The following THSD7B variants were observed in gnomAD, a reference collection of about 807,000 sequenced individuals.
THSD7B encodes thrombospondin type-1 domain-containing protein 7B.
In THSD7B, 138 loss-of-function variants were observed where a neutral mutation model predicts 213.6. The ratio of observed to expected loss-of-function variants is 0.65; its 90% CI spans 0.56 to 0.74. The LOEUF is 0.74. THSD7B is among the 30% of genes least tolerant of loss of function. The pLI is 0.00. For missense variants in THSD7B, 1,931 were observed against 1,991.5 expected (o/e 0.97, Z 0.58); for synonymous variants, 742 against 687.0 (o/e 1.08, Z -1.25).
intron 12 of THSD7B, among the ~76,000 whole-genome samples, chr2:137,362,587 CGTCTCTGACAAAAACA>C (rs1553443118): frequency 2.0e-5 from 3 of 151,826 alleles, no homozygotes; most frequent in Non-Finnish European, 4.4e-5. Flanking sequence ...TTGCAATCCT[CGTCTCTGACAAAAACA>C]GTCTTTAAAC....
chr2:137,271,085 G>T (rs558193189), intron 10 of THSD7B, among the ~76,000 whole-genome samples: 1 of 151,518 alleles, frequency 6.6e-6, no homozygotes, highest in Admixed American at 6.6e-5. Flanking sequence ...TTATTTCATT[G>T]TGCTGGCTTT....
At chr2:137,239,181 G>A (rs190805659) in intron 9 of THSD7B, among the ~76,000 whole-genome samples, 4 of 151,936 alleles carry the variant, frequency 2.6e-5, no homozygotes, top group Non-Finnish European at 4.4e-5. Flanking sequence ...ACTTGCAAAA[G>A]TTGTACAGAG....
intron 12 of THSD7B, among the ~76,000 whole-genome samples, chr2:137,360,409 G>A (rs1346595275): frequency 6.6e-6 from 1 of 152,136 alleles, no homozygotes; most frequent in Admixed American, 6.5e-5. Context: ...GCAGAGTGGG[G>A]CACTTCTTCC....
rs916937048 is a variant in THSD7B, at chr2:137,142,969, T to G, written c.1370-17244T>G. Among the ~76,000 whole-genome samples the G allele has an allele frequency of 8.5e-5, 13 of 152,290 alleles. 1 individual carries two copies. In the East Asian group the frequency reaches 2.5e-3, roughly 29 times the overall value. ...ATGCAGAAAGTTACATTAACAGATA[T>G]TTCAATGTTGAACTATCCTTGAATG... On this transcript the variant is annotated intron_variant, in intron 5 of 27. Transcript: ENST00000409968.
At chr2:136,996,803 A>G (rs1363209782) in intron 2 of THSD7B, among the ~76,000 whole-genome samples, 1 of 152,224 alleles carries the variant, frequency 6.6e-6, no homozygotes, top group African/African-American at 2.4e-5. Flanking sequence ...GCATAGAAGT[A>G]TAAATAAATG....
intron 15 of THSD7B, among the ~76,000 whole-genome samples, chr2:137,552,341 A>T (rs563461831): frequency 6.6e-6 from 1 of 152,284 alleles, no homozygotes; most frequent in Admixed American, 6.5e-5. Flanking sequence ...CTCTTGGAGG[A>T]TAGTGATGTG....
intron 14 of THSD7B, among the ~76,000 whole-genome samples, chr2:137,422,571 T>TA (rs1055672403): frequency 5.3e-5 from 8 of 152,160 alleles, no homozygotes; most frequent in East Asian, 3.9e-4. Context: ...TTTATACTTT[T>TA]AAAAAAATCA....
intron 15 of THSD7B, among the ~76,000 whole-genome samples, chr2:137,533,065 C>A (rs1370672903): frequency 2.0e-5 from 3 of 150,826 alleles, no homozygotes; most frequent in Non-Finnish European, 4.4e-5. Context: ...TAATGTTATA[C>A]ATATGCATAA....
At chr2:136,831,342 T>C (rs1480976709) in intron 1 of THSD7B, among the ~76,000 whole-genome samples, 1 of 152,154 alleles carries the variant, frequency 6.6e-6, no homozygotes, top group Non-Finnish European at 1.5e-5. Flanking sequence ...TATAACCTAA[T>C]CCTAGGCAGG....
chr2:137,121,479 G>A (rs1688546165), intron 5 of THSD7B, among the ~76,000 whole-genome samples: 1 of 152,180 alleles, frequency 6.6e-6, no homozygotes, highest in Non-Finnish European at 1.5e-5. Context: ...TCACTAATGT[G>A]TGTTGCTGAA....
chr2:137,186,052 A>T (rs2105010054), intron 7 of THSD7B, among the ~76,000 whole-genome samples: 2 of 152,238 alleles, frequency 1.3e-5, no homozygotes, highest in Non-Finnish European at 2.9e-5. Flanking sequence ...GTATCTGTTC[A>T]TATCCTTTGC....
chr2:137,616,151 C>G (rs201183817), intron 17 of THSD7B, 24 bp from the exon 18 acceptor site: 69 of 1,605,446 alleles, frequency 4.3e-5, no homozygotes, highest in Non-Finnish European at 5.3e-5. Context: ...CCACAGTCAA[C>G]TTTTCCTACT....
intron 12 of THSD7B, among the ~76,000 whole-genome samples, chr2:137,377,915 G>A (rs772477439): frequency 1.3e-5 from 2 of 152,226 alleles, no homozygotes; most frequent in South Asian, 2.1e-4. Flanking sequence ...ATAAGCTACC[G>A]CGCCTGGACA....
At chr2:136,895,928 G>C (rs1490635775) in intron 2 of THSD7B, among the ~76,000 whole-genome samples, 1 of 152,050 alleles carries the variant, frequency 6.6e-6, no homozygotes, top group Admixed American at 6.6e-5. Flanking sequence ...CTATATTATA[G>C]CATCTATCAC....
chr2:137,056,566 G>T lies in THSD7B; in HGVS notation c.286G>T (p.Val96Phe), dbSNP rs745691817. 6.2e-7 allele frequency: 1 copy of T among 1,613,954 alleles called. No individual in the cohort carries two copies. The change falls in exon 3 of 28, where the codon GTT (valine) becomes TTT (phenylalanine). Residue 96 changes from valine to phenylalanine, a missense_variant. Coordinates refer to ENST00000409968, the MANE Select transcript of THSD7B (RefSeq NM_001316349.2). ...TCCAAAGGAAAGAAGTTGTTTCCGA[G>T]TTTGTGACTGGCACAGTGACCTCTT... Reference protein sequence around the residue: ...RPPKERSCFRVCDWHSDLFQW... With the variant: ...RPPKERSCFRFCDWHSDLFQW...
intron 7 of THSD7B, among the ~76,000 whole-genome samples, chr2:137,175,581 T>C (rs968516408): frequency 1.3e-5 from 2 of 152,230 alleles, no homozygotes; most frequent in Non-Finnish European, 2.9e-5. Context: ...GCTTTGCTTT[T>C]TATTTCAAGG....
chr2:136,808,886 C>A (rs935799627), intron 1 of THSD7B, among the ~76,000 whole-genome samples: 7 of 152,052 alleles, frequency 4.6e-5, no homozygotes, highest in African/African-American at 1.5e-4. Flanking sequence ...GTCAGAAGTG[C>A]CTAAGTTATC....
At chr2:137,037,955 A>G (rs1392663106) in intron 2 of THSD7B, among the ~76,000 whole-genome samples, 1 of 149,148 alleles carries the variant, frequency 6.7e-6, no homozygotes, top group Non-Finnish European at 1.5e-5. Context: ...TTATGTGTGA[A>G]GATTTTCATG....
intron 15 of THSD7B, among the ~76,000 whole-genome samples, chr2:137,546,415 T>TTATATATTA (rs1680722282): frequency 0.019 from 493 of 25,510 alleles, 74 homozygotes; most frequent in South Asian, 0.075. Flanking sequence ...TATATATATA[T>TTATATATTA]TATATATATT....
Sources: allele counts gnomAD v4.1 joint callset (sites outside exome capture counted in the v4.1 genomes callset), GRCh38; gene constraint gnomAD v4.1.1; transcripts MANE v1.5; gene names NCBI Gene and HGNC (gene_info 2026-07-23, HGNC 2026-07-21).